Variants in SEPTIN9 observed in about 807,000 individuals in gnomAD.
SEPTIN9 encodes the protein septin-9.
SEPTIN9 carries 13 observed loss-of-function variants against 56.6 expected under a neutral mutation model. The observed-to-expected ratio is 0.23, with a 90% confidence interval of 0.15 to 0.37. The LOEUF (loss-of-function observed/expected upper bound fraction) is 0.37, where lower values mean the gene tolerates loss of function less well. Among genes scored for constraint, SEPTIN9 ranks in the 10% least tolerant of loss-of-function variants. The pLI is 1.00. For synonymous variants in SEPTIN9, 332 were observed against 334.1 expected (o/e 0.99, Z 0.07); for missense variants, 650 against 823.1 (o/e 0.79, Z 2.57).
intron 3 of SEPTIN9, among the ~76,000 whole-genome samples, chr17:77,412,618 C>T (rs141804357): frequency 7.2e-5 from 11 of 151,824 alleles, no homozygotes; most frequent in Admixed American, 6.6e-5. Context: ...CCCGGCTACT[C>T]GGGAGGCTGA....
intron 1 of SEPTIN9, among the ~76,000 whole-genome samples, chr17:77,302,340 T>G (rs531922413): frequency 6.6e-6 from 1 of 151,952 alleles, no homozygotes; most frequent in Admixed American, 6.6e-5. Flanking sequence ...TATGTCTTTC[T>G]TATATCTAGG....
intron 2 of SEPTIN9, among the ~76,000 whole-genome samples, chr17:77,364,645 T>C (rs2143868047): frequency 6.6e-6 from 1 of 152,342 alleles, no homozygotes; most frequent in African/African-American, 2.4e-5. Flanking sequence ...CCCACAGTTC[T>C]ACCCCTGAAC....
chr17:77,490,775 C>A lies in SEPTIN9; in HGVS notation c.1296C>A (p.Arg432=). 1 of 1,589,014 alleles carries A rather than the reference C, an allele frequency of 6.3e-7. No homozygotes were observed. The highest frequency in any genetic ancestry group is 8.6e-7 in the Non-Finnish European group (1 of 1,167,440). Residue 432 remains arginine (R), a synonymous_variant, in exon 8 of 12, where the codon CGC becomes CGA. Transcript: ENST00000427177. The part of the protein sequence containing the change: ...LRPLDIEFMK[R]LSKVVNIVPV... Reference sequence around the variant, plus strand: ...CCCTGGACATCGAGTTTATGAAACGCCTGAGCAAGGTGGTCAACATCGTCC... The same window carrying A: ...CCCTGGACATCGAGTTTATGAAACGACTGAGCAAGGTGGTCAACATCGTCC...
chr17:77,324,047 A>G (rs1443361822), intron 2 of SEPTIN9, among the ~76,000 whole-genome samples: 1 of 152,194 alleles, frequency 6.6e-6, no homozygotes, highest in Non-Finnish European at 1.5e-5. Context: ...CGCCTCTGGC[A>G]GCTTCTGGCG....
At chr17:77,477,860 G>A (rs140064564) in intron 3 of SEPTIN9, among the ~76,000 whole-genome samples, 2 of 152,282 alleles carry the variant, frequency 1.3e-5, no homozygotes, top group East Asian at 3.9e-4. Context: ...GTCGACGTGG[G>A]TACTGCTGAT....
rs147139370 is a variant in SEPTIN9, at chr17:77,395,298, C to T, written c.77-6761C>T. 1.3e-3 allele frequency among the ~76,000 whole-genome samples: 199 copies of T among 152,144 alleles called. 2 individuals carry two copies. Among genetic ancestry groups the T allele is most frequent in the Non-Finnish European group, 1.2e-3 (84 of 67,986 alleles). On this transcript the variant is annotated intron_variant, in intron 2 of 11. Transcript: ENST00000427177. ...ATCGCAGCACTTTGGGAGGCCGAGG[C>T]AGGCGGATCATGAGGTCAGCAGATT...
In SEPTIN9 at chr17:77,290,505, C is replaced by T. The variant is rs141290950; in HGVS notation, c.19+8951C>T. Among the ~76,000 whole-genome samples the T allele has an allele frequency of 6.0e-3, 908 of 151,878 alleles. 10 individuals carry two copies. Among genetic ancestry groups the T allele is most frequent in the African/African-American group, 0.021 (868 of 41,498 alleles). The stretch of plus-strand genomic sequence containing the variant: ...CAATCTTCTGACCTCGTGATCCACT[C>T]GCCTCAGCCTCCAAAGTGCTGGGAT... On this transcript the variant is annotated intron_variant, in intron 1 of 11. Coordinates refer to ENST00000427177, the MANE Select transcript of SEPTIN9 (RefSeq NM_001113491.2).
At chr17:77,484,034 C>T (rs1164280281) in intron 4 of SEPTIN9, 2 of 152,290 alleles carry the variant, frequency 1.3e-5, no homozygotes, top group African/African-American at 4.8e-5. Context: ...TGTGTGTCTT[C>T]CCCTGGGCTC....
intron 1 of SEPTIN9, among the ~76,000 whole-genome samples, chr17:77,286,980 C>T (rs1411603215): frequency 6.6e-6 from 1 of 152,230 alleles, no homozygotes; most frequent in African/African-American, 2.4e-5. Flanking sequence ...TAGGCGGTTG[C>T]CAGGGATTTA....
rs185510578 is a variant in SEPTIN9, at chr17:77,369,685, C to G, written c.77-32374C>G. 6.6e-6 allele frequency among the ~76,000 whole-genome samples: 1 copy of G among 152,190 alleles called. No homozygotes were observed. The highest frequency in any genetic ancestry group is 2.4e-5 in the African/African-American group (1 of 41,440). On this transcript the variant is annotated intron_variant, in intron 2 of 11. Coordinates refer to ENST00000427177, the MANE Select transcript of SEPTIN9 (RefSeq NM_001113491.2). This position sits in a 1 kb window ranked among gnomAD's most constrained non-coding sequence, Gnocchi z 4.9. ...GAAGTCTCTGTCTATGAGGACACAG[C>G]CTGCCACCTAATGGGGTGTCCCGTC...
chr17:77,359,884 G>A (rs527566641), intron 2 of SEPTIN9, among the ~76,000 whole-genome samples: 2 of 152,234 alleles, frequency 1.3e-5, no homozygotes, highest in Admixed American at 6.5e-5. Flanking sequence ...AGCAAACCCG[G>A]GTGGGCGCAG....
intron 2 of SEPTIN9, among the ~76,000 whole-genome samples, chr17:77,382,182 C>T (rs557408461): frequency 6.6e-6 from 1 of 152,288 alleles, no homozygotes; most frequent in South Asian, 2.1e-4. Flanking sequence ...CACGCACCAC[C>T]ACGCCCAGCT....
At chr17:77,497,830 G>A (rs1287943652) in intron 11 of SEPTIN9, among the ~76,000 whole-genome samples, 2 of 151,984 alleles carry the variant, frequency 1.3e-5, no homozygotes, top group African/African-American at 2.4e-5. Context: ...TGGGTGGGTG[G>A]TCCCTGGAGT....
intron 2 of SEPTIN9, among the ~76,000 whole-genome samples, chr17:77,357,669 C>A (rs759605267): frequency 3.9e-5 from 6 of 152,068 alleles, no homozygotes; most frequent in Non-Finnish European, 5.9e-5. Flanking sequence ...GGCTGAAGTG[C>A]GGTGGTGCAG....
At position 77,435,213 on chromosome 17, in the gene SEPTIN9, A is replaced by C. The variant is rs2037294487; in HGVS notation, c.721+32510A>C. ...GGCAGAGGGAGGGTCCGAATGCGGAAAGTCTGGCTTCAGTGCCCCCATCCC... is the reference window on the plus strand; with the variant it reads ...GGCAGAGGGAGGGTCCGAATGCGGACAGTCTGGCTTCAGTGCCCCCATCCC... On this transcript the variant is annotated intron_variant, in intron 3 of 11. Coordinates refer to ENST00000427177, the MANE Select transcript of SEPTIN9 (RefSeq NM_001113491.2). This position sits in a 1 kb window ranked among gnomAD's most constrained non-coding sequence, Gnocchi z 4.5. Among the ~76,000 whole-genome samples, 1 of 152,138 alleles carries C rather than the reference A, an allele frequency of 6.6e-6. No individual in the cohort carries two copies. The highest frequency in any genetic ancestry group is 1.5e-5 in the Non-Finnish European group (1 of 68,006).
chr17:77,454,227 G>A (rs1455186005), intron 3 of SEPTIN9: 1 of 985,422 alleles, frequency 1.0e-6, no homozygotes, highest in Admixed American at 6.1e-5. Context: ...GAGGCTCCCA[G>A]CGTCCCACAG....
At chr17:77,308,756 C>T (rs1305359217) in intron 2 of SEPTIN9, among the ~76,000 whole-genome samples, 3 of 152,204 alleles carry the variant, frequency 2.0e-5, no homozygotes, top group Non-Finnish European at 2.9e-5. Context: ...CTAAGTCTGC[C>T]TTCCAGAGGT....
At chr17:77,454,256 G>A in intron 3 of SEPTIN9, 8 of 985,544 alleles carry the variant, frequency 8.1e-6, no homozygotes, top group Non-Finnish European at 9.6e-6. Flanking sequence ...TGGGGAAGAG[G>A]CTTCCTGAGG....
chr17:77,384,259 C>T (rs2035252371), intron 2 of SEPTIN9, among the ~76,000 whole-genome samples: 1 of 152,152 alleles, frequency 6.6e-6, no homozygotes, highest in African/African-American at 2.4e-5. Flanking sequence ...GGACCTCGGG[C>T]AGGTTTTGGG....
Sources: gnomAD v4.1 joint callset for allele counts (sites outside exome capture counted in the v4.1 genomes callset) on GRCh38, gnomAD v4.1.1 for gene constraint, Gnocchi (gnomAD v3.1) non-coding constraint, MANE v1.5 for transcripts, NCBI Gene and HGNC (gene_info 2026-07-23, HGNC 2026-07-21) for gene names.